LINGO2: variants seen among roughly 807,000 people sequenced by gnomAD.
The protein encoded by LINGO2 is leucine rich repeat and Ig domain containing 2, also known as leucine-rich repeat and immunoglobulin-like domain-containing nogo receptor-interacting protein 2.
In LINGO2, 14 loss-of-function variants were observed where a neutral mutation model predicts 30.6. The ratio of observed to expected loss-of-function variants is 0.46; its 90% CI spans 0.30 to 0.72. The LOEUF (loss-of-function observed/expected upper bound fraction) is 0.72. Ranked by LOEUF, LINGO2 falls within the 30% of genes least tolerant of loss-of-function variation. LINGO2 has a pLI of 0.07. For missense variants in LINGO2, 729 were observed against 751.7 expected (o/e 0.97, Z 0.35); for synonymous variants, 317 against 288.5 (o/e 1.10, Z -1.00).
At chr9:27,974,749 A>G (rs1294548749) in intron 5 of LINGO2, among the ~76,000 whole-genome samples, 1 of 152,066 alleles carries the variant, frequency 6.6e-6, no homozygotes, top group Non-Finnish European at 1.5e-5. Flanking sequence ...TTTATTCAAT[A>G]TTTCAGCCAT....
chr9:29,019,223 T>C, the LINGO2 span, among the ~76,000 whole-genome samples: 1 of 152,190 alleles, frequency 6.6e-6, no homozygotes, highest in African/African-American at 2.4e-5. Context: ...TACTAACCAC[T>C]GAAATGACAC....
At chr9:27,990,977 G>A (rs961670217) in intron 5 of LINGO2, among the ~76,000 whole-genome samples, 1 of 151,968 alleles carries the variant, frequency 6.6e-6, no homozygotes, top group African/African-American at 2.4e-5. Context: ...CACTTTCCAC[G>A]GGGAAGGCAG....
intron 4 of LINGO2, among the ~76,000 whole-genome samples, chr9:28,079,503 A>ATGCTCTCTGTCCCCTTCCTACAT (rs1228192176): frequency 6.6e-6 from 1 of 152,218 alleles, no homozygotes; most frequent in Non-Finnish European, 1.5e-5. Flanking sequence ...TTGAAAGCTT[A>ATGCTCTCTGTCCCCTTCCTACAT]TGCTCTCTGT....
At chr9:28,072,214 CA>C (rs1280457379) in intron 4 of LINGO2, among the ~76,000 whole-genome samples, 1 of 152,156 alleles carries the variant, frequency 6.6e-6, no homozygotes, top group Non-Finnish European at 1.5e-5. Flanking sequence ...TGATGTCTTG[CA>C]CACAACATGG....
At chr9:29,130,695 C>T in the LINGO2 span, among the ~76,000 whole-genome samples, 1 of 152,066 alleles carries the variant, frequency 6.6e-6, no homozygotes, top group Admixed American at 6.6e-5. Flanking sequence ...AATTTTGTAA[C>T]TCAAAGGCTC....
intron 2 of LINGO2, among the ~76,000 whole-genome samples, chr9:28,398,776 T>A (rs1296656466): frequency 6.6e-6 from 1 of 152,240 alleles, no homozygotes; most frequent in East Asian, 1.9e-4. Flanking sequence ...CCTGCATATT[T>A]CTTTATATTT....
At chr9:28,718,541 C>T in the LINGO2 span, among the ~76,000 whole-genome samples, 3 of 152,016 alleles carry the variant, frequency 2.0e-5, no homozygotes, top group African/African-American at 7.2e-5. Flanking sequence ...CCCTTCATCA[C>T]AACATAGCTT....
At chr9:28,215,044 G>A (rs751030833) in intron 4 of LINGO2, among the ~76,000 whole-genome samples, 3 of 151,626 alleles carry the variant, frequency 2.0e-5, no homozygotes, top group Non-Finnish European at 4.4e-5. Context: ...TACAGGAAAT[G>A]TCATAATTCT....
At chr9:28,214,042 C>CA (rs574935572) in intron 4 of LINGO2, among the ~76,000 whole-genome samples, 69 of 151,238 alleles carry the variant, frequency 4.6e-4, no homozygotes, top group Non-Finnish European at 8.5e-4. Flanking sequence ...GGAAATTAAT[C>CA]AAAAAAATAT....
At chr9:29,156,037 T>C in the LINGO2 span, among the ~76,000 whole-genome samples, 2 of 152,208 alleles carry the variant, frequency 1.3e-5, no homozygotes, top group South Asian at 2.1e-4. Flanking sequence ...ACAAAAATTA[T>C]ACAGGGAATA....
At chr9:28,002,749 A>AG (rs1374541345) in intron 5 of LINGO2, among the ~76,000 whole-genome samples, 1 of 151,880 alleles carries the variant, frequency 6.6e-6, no homozygotes, top group Non-Finnish European at 1.5e-5. Flanking sequence ...ATCGATTCCT[A>AG]GCTAGGGCCA....
chr9:28,622,271 C>G (rs1209271984), intron 1 of LINGO2, among the ~76,000 whole-genome samples: 7 of 151,924 alleles, frequency 4.6e-5, no homozygotes, highest in African/African-American at 1.4e-4. Flanking sequence ...ATTTTTGAAC[C>G]TATTAACCAT....
the LINGO2 span, among the ~76,000 whole-genome samples, chr9:29,197,959 T>A: frequency 6.6e-6 from 1 of 152,142 alleles, no homozygotes; most frequent in Non-Finnish European, 1.5e-5. Flanking sequence ...GTGAGTGAAT[T>A]TAACTATTTG....
intron 5 of LINGO2, among the ~76,000 whole-genome samples, chr9:27,986,607 A>G (rs1821135848): frequency 6.6e-6 from 1 of 151,922 alleles, no homozygotes; most frequent in African/African-American, 2.4e-5. Context: ...GAGAATGCAC[A>G]GGAAAGAAAG....
rs139562217 is a variant in LINGO2 at position 28,648,094 on chromosome 9, G to A, written c.-365+22106C>T. ...CTGGATTATTCATAAAGCACATAAT[G>A]ATCCCTGCAAAATTCCACTGTAGAA... On this transcript the variant is annotated intron_variant, in intron 1 of 5. Transcript: ENST00000379992. Among the ~76,000 whole-genome samples, 1,085 of 151,876 alleles carry A rather than the reference G, an allele frequency of 7.1e-3. 5 individuals carry two copies. The highest frequency in any genetic ancestry group is 0.014 in the South Asian group (67 of 4,812).
intron 4 of LINGO2, among the ~76,000 whole-genome samples, chr9:28,247,789 T>C (rs1013970699): frequency 7.9e-5 from 12 of 152,154 alleles, no homozygotes; most frequent in African/African-American, 2.9e-4. Flanking sequence ...AATTACAAAA[T>C]GGGCAAAAGA....
the LINGO2 span, among the ~76,000 whole-genome samples, chr9:29,097,141 C>T: frequency 7.2e-6 from 1 of 138,136 alleles, no homozygotes; most frequent in African/African-American, 2.7e-5. Context: ...TCTGTTCTTG[C>T]TTTTCATATA....
chr9:29,113,756 T>C, the LINGO2 span, among the ~76,000 whole-genome samples: 3 of 152,124 alleles, frequency 2.0e-5, no homozygotes, highest in Admixed American at 6.5e-5. Context: ...ACCAGTAGAA[T>C]CCTGAAGGCA....
chr9:28,694,093 T>G, the LINGO2 span, among the ~76,000 whole-genome samples: 10 of 151,824 alleles, frequency 6.6e-5, no homozygotes, highest in Admixed American at 1.3e-4. Context: ...AAAACTCTTA[T>G]GTAAGGCCAT....
Sources: gnomAD v4.1 joint callset for allele counts (sites outside exome capture counted in the v4.1 genomes callset) on GRCh38, gnomAD v4.1.1 for gene constraint, MANE v1.5 for transcripts, NCBI Gene and HGNC (gene_info 2026-07-23, HGNC 2026-07-21) for gene names.